TAGLN3: variants seen among roughly 807,000 people sequenced by gnomAD.
TAGLN3 encodes the protein transgelin 3, also known as transgelin-3.
In TAGLN3, 12 loss-of-function variants were observed where a neutral mutation model predicts 25.4. The observed-to-expected ratio is 0.47, with a 90% confidence interval of 0.30 to 0.77. TAGLN3 has a LOEUF of 0.77. TAGLN3 is among the 30% of genes least tolerant of loss of function. The probability of loss-of-function intolerance (pLI) is 0.06; values close to 1 mark genes in which losing one functional copy is unlikely to be tolerated. For synonymous variants in TAGLN3, 96 were observed against 94.8 expected (o/e 1.01, Z -0.08); for missense variants, 218 against 255.8 (o/e 0.85, Z 1.01).
chr3:112,012,419 C>T (rs1245671919), intron 4 of TAGLN3, among the ~76,000 whole-genome samples: 1 of 152,000 alleles, frequency 6.6e-6, no homozygotes, highest in African/African-American at 2.4e-5. Flanking sequence ...CTCTCTTTCA[C>T]TCTCAACAGC....
At chr3:112,001,023 G>A (rs2072852680) in intron 3 of TAGLN3, 77 bp downstream of exon 3, 1 of 1,357,540 alleles carries the variant, frequency 7.4e-7, no homozygotes, top group African/African-American at 1.4e-5. Flanking sequence ...ACTGCTCACA[G>A]TGTTCTTCCC....
At chr3:112,001,687 G>T (rs1360697305) in intron 3 of TAGLN3, among the ~76,000 whole-genome samples, 1 of 152,170 alleles carries the variant, frequency 6.6e-6, no homozygotes, top group Non-Finnish European at 1.5e-5. Flanking sequence ...CCTGCCTGAG[G>T]CACCAAGAGA....
chr3:112,001,414 G>A (rs192802977), intron 3 of TAGLN3, among the ~76,000 whole-genome samples: 5 of 152,300 alleles, frequency 3.3e-5, no homozygotes, highest in Admixed American at 2.0e-4. Context: ...TGGTGACTAT[G>A]CCTTCCAGAT....
At chr3:112,005,858 G>A (rs564134984) in intron 3 of TAGLN3, among the ~76,000 whole-genome samples, 30 of 151,724 alleles carry the variant, frequency 2.0e-4, no homozygotes, top group Admixed American at 1.6e-3. Flanking sequence ...CTGCCACCAC[G>A]CCCGGCTAAT....
intron 4 of TAGLN3, 84 bp downstream of exon 4, chr3:112,011,949 T>G (rs561776959): frequency 1.5e-6 from 2 of 1,290,468 alleles, no homozygotes; most frequent in Admixed American, 4.6e-5. Flanking sequence ...CTACAGAGGC[T>G]TTATGTGCAA....
intron 4 of TAGLN3, among the ~76,000 whole-genome samples, chr3:112,013,068 G>T (rs961579774): frequency 6.6e-6 from 1 of 152,196 alleles, no homozygotes; most frequent in South Asian, 2.1e-4. Flanking sequence ...GAAAAGCTGA[G>T]AGTGAATTCC....
At chr3:112,007,724 G>A (rs1016754082) in intron 3 of TAGLN3, among the ~76,000 whole-genome samples, 1 of 152,232 alleles carries the variant, frequency 6.6e-6, no homozygotes, top group African/African-American at 2.4e-5. Context: ...ATTCCAAGCT[G>A]CAGGGCTCTG....
At chr3:112,005,275 G>T (rs1208234948) in intron 3 of TAGLN3, among the ~76,000 whole-genome samples, 1 of 152,100 alleles carries the variant, frequency 6.6e-6, no homozygotes, top group Non-Finnish European at 1.5e-5. Flanking sequence ...CCTAATAAAT[G>T]TTGGCTTTCC....
chr3:111,999,396 C>T lies in TAGLN3; in HGVS notation c.-2-25C>T, dbSNP rs759810710. The T allele has an allele frequency of 1.8e-5, 29 of 1,609,210 alleles. No individual in the cohort carries two copies. The South Asian group carries it at 3.1e-4, about 17-fold the overall frequency. On this transcript the variant is annotated intron_variant, in intron 1 of 4. Coordinates refer to ENST00000478951, the MANE Select transcript of TAGLN3 (RefSeq NM_001008272.2). The stretch of plus-strand genomic sequence containing the variant: ...GCTGCTGCTGCTATTGTGTGGATGC[C>T]GCGCGTGTCTTCTCTTCTTTCCAGA...
chr3:112,012,471 A>G (rs1180291505), intron 4 of TAGLN3, among the ~76,000 whole-genome samples: 1 of 152,044 alleles, frequency 6.6e-6, no homozygotes, highest in Non-Finnish European at 1.5e-5. Context: ...TCTCTCAGTA[A>G]AGGGTCTTTT....
chr3:112,000,181 C>T (rs1459193315), intron 2 of TAGLN3, among the ~76,000 whole-genome samples: 1 of 152,204 alleles, frequency 6.6e-6, no homozygotes, highest in African/African-American at 2.4e-5. Flanking sequence ...CAAGCCCATC[C>T]TTTCCTGCAG....
At chr3:112,006,909 T>C (rs971248375) in intron 3 of TAGLN3, among the ~76,000 whole-genome samples, 4 of 152,208 alleles carry the variant, frequency 2.6e-5, no homozygotes, top group African/African-American at 9.7e-5. Flanking sequence ...CCAGGAGTTA[T>C]AACTTAGTAA....
chr3:112,007,792 G>A (rs2072933456), intron 3 of TAGLN3, among the ~76,000 whole-genome samples: 1 of 152,174 alleles, frequency 6.6e-6, no homozygotes, highest in African/African-American at 2.4e-5. Flanking sequence ...TTTTGACTTT[G>A]TGGAGGATAT....
intron 1 of TAGLN3, 48 bp from the exon 2 acceptor site, chr3:111,999,373 T>C: frequency 6.3e-7 from 1 of 1,593,572 alleles, no homozygotes; most frequent in Non-Finnish European, 8.6e-7. Context: ...CGGAGGCTGC[T>C]GCTGCTGCTA....
intron 2 of TAGLN3, among the ~76,000 whole-genome samples, chr3:112,000,301 A>G (rs768998465): frequency 1.3e-5 from 2 of 152,310 alleles, no homozygotes; most frequent in African/African-American, 2.4e-5. Flanking sequence ...CTTCTTTTAC[A>G]CATTGTTAAA....
At chr3:112,012,222 C>A (rs183929326) in intron 4 of TAGLN3, among the ~76,000 whole-genome samples, 1 of 75,406 alleles carries the variant, frequency 1.3e-5, no homozygotes, top group African/African-American at 5.4e-5. Flanking sequence ...CTGGCTGCTT[C>A]CCTCCCTCCC....
chr3:112,000,678 T>A, intron 2 of TAGLN3, 94 bp from the exon 3 acceptor site: 1 of 1,387,540 alleles, frequency 7.2e-7, no homozygotes, highest in South Asian at 1.3e-5. Context: ...CCAAACTGGA[T>A]GAGCAGTGTC....
At chr3:112,009,665 G>A (rs2072954415) in intron 3 of TAGLN3, among the ~76,000 whole-genome samples, 1 of 152,194 alleles carries the variant, frequency 6.6e-6, no homozygotes, top group Non-Finnish European at 1.5e-5. Context: ...GTCCACACAT[G>A]AGGAGGAATA....
At chr3:112,007,867 G>A (rs951285978) in intron 3 of TAGLN3, among the ~76,000 whole-genome samples, 2 of 152,194 alleles carry the variant, frequency 1.3e-5, no homozygotes, top group African/African-American at 4.8e-5. Flanking sequence ...CAGACATGGG[G>A]ATGTTTTTAA....
Sources: allele counts gnomAD v4.1 joint callset (sites outside exome capture counted in the v4.1 genomes callset), GRCh38; gene constraint gnomAD v4.1.1; transcripts MANE v1.5; gene names NCBI Gene and HGNC (gene_info 2026-07-23, HGNC 2026-07-21).